HDAC9: variants seen among roughly 807,000 people sequenced by gnomAD.
The protein encoded by HDAC9 is MEF-2 interacting transcription repressor (MITR) protein.
HDAC9 carries 41 observed loss-of-function variants against 139.4 expected under a neutral mutation model. That is an observed-to-expected ratio of 0.29 (90% CI 0.23 to 0.38). The LOEUF (loss-of-function observed/expected upper bound fraction) is 0.38, where lower values mean the gene tolerates loss of function less well. Among genes scored for constraint, HDAC9 ranks in the 10% least tolerant of loss-of-function variants. HDAC9 has a pLI of 1.00. For synonymous variants in HDAC9, 517 were observed against 476.2 expected (o/e 1.09, Z -1.12); for missense variants, 1,147 against 1,297.0 (o/e 0.88, Z 1.78).
chr7:18,951,706 A>G (rs1782807330), intron 23 of HDAC9, among the ~76,000 whole-genome samples: 2 of 151,894 alleles, frequency 1.3e-5, no homozygotes, highest in Admixed American at 6.6e-5. Context: ...GCAAAACTTT[A>G]CCACATATTC....
chr7:18,814,850 T>G (rs1194711880), intron 17 of HDAC9, among the ~76,000 whole-genome samples: 1 of 152,158 alleles, frequency 6.6e-6, no homozygotes, highest in East Asian at 1.9e-4. Context: ...AAATCATCTA[T>G]CCAAAGAACC....
chr7:18,248,797 T>C (rs1433832648), intron 2 of HDAC9, among the ~76,000 whole-genome samples: 1 of 152,252 alleles, frequency 6.6e-6, no homozygotes, highest in Non-Finnish European at 1.5e-5. Context: ...TGCTAAATTC[T>C]GTGGTGCAAA....
At chr7:18,620,435 G>A (rs1839896524) in intron 6 of HDAC9, among the ~76,000 whole-genome samples, 1 of 149,948 alleles carries the variant, frequency 6.7e-6, no homozygotes, top group Non-Finnish European at 1.5e-5. Flanking sequence ...ATTTTTTCCT[G>A]TTTGTCCTAG....
At chr7:18,448,416 T>C (rs1169951310) in intron 1 of HDAC9, among the ~76,000 whole-genome samples, 4 of 152,180 alleles carry the variant, frequency 2.6e-5, no homozygotes, top group African/African-American at 9.7e-5. Flanking sequence ...AGAAAAAATA[T>C]CACCTTTGAT....
At chr7:18,204,834 T>G (rs1791382354) in intron 2 of HDAC9, among the ~76,000 whole-genome samples, 1 of 152,074 alleles carries the variant, frequency 6.6e-6, no homozygotes. Context: ...TGCAATATGT[T>G]GTTTTTTTAT....
chr7:18,094,911 G>C (rs1782405631), intron 1 of HDAC9, among the ~76,000 whole-genome samples: 1 of 152,048 alleles, frequency 6.6e-6, no homozygotes, highest in Non-Finnish European at 1.5e-5. Flanking sequence ...AAGTCAAGAT[G>C]AGAGAGAGAG....
At chr7:18,648,125 C>A in intron 10 of HDAC9, 127 bp downstream of exon 10, 1 of 731,910 alleles carries the variant, frequency 1.4e-6, no homozygotes, top group African/African-American at 1.8e-5. Flanking sequence ...TTCCCTGATA[C>A]CTGGTACTGT....
At chr7:18,651,345 A>G (rs1789200335) in intron 11 of HDAC9, among the ~76,000 whole-genome samples, 1 of 152,204 alleles carries the variant, frequency 6.6e-6, no homozygotes, top group Non-Finnish European at 1.5e-5. Flanking sequence ...ACAGGCACAC[A>G]TGAAGATGTT....
At chr7:18,650,916 T>G (rs1789022548) in intron 11 of HDAC9, among the ~76,000 whole-genome samples, 1 of 152,180 alleles carries the variant, frequency 6.6e-6, no homozygotes, top group African/African-American at 2.4e-5. Context: ...TCCATATGTT[T>G]CATCAAGTTG....
intron 17 of HDAC9, among the ~76,000 whole-genome samples, chr7:18,793,659 A>G (rs1284222725): frequency 6.6e-6 from 1 of 152,124 alleles, no homozygotes; most frequent in Non-Finnish European, 1.5e-5. Flanking sequence ...TCTGCCTGAG[A>G]ACACTCTGCA....
rs145054589 is a variant in HDAC9, at chr7:18,191,893, A to G, written c.25+29544A>G. Among the ~76,000 whole-genome samples the G allele has an allele frequency of 2.8e-3, 428 of 152,340 alleles. 4 individuals carry two copies. Among genetic ancestry groups the G allele is most frequent in the African/African-American group, 9.9e-3 (412 of 41,586 alleles). ...GCATTTTGAAATCATTGACAAGCAC[A>G]AATACTGTTAGATTCTATGTCAAGA... On this transcript the variant is annotated intron_variant, in intron 2 of 12. Coordinates refer to the HDAC9 transcript ENST00000417496.
intron 13 of HDAC9, among the ~76,000 whole-genome samples, chr7:18,731,318 G>A (rs557373450): frequency 1.5e-4 from 23 of 152,150 alleles, no homozygotes; most frequent in African/African-American, 5.5e-4. Context: ...CAAGGTAGCG[G>A]ACACAGACAC....
intron 12 of HDAC9, among the ~76,000 whole-genome samples, chr7:18,711,095 C>A (rs2541322): frequency 0.26 from 39,797 of 152,002 alleles, 9,367 homozygotes; most frequent in African/African-American, 0.64. Flanking sequence ...TAAGTGGATC[C>A]TCTCATTTAA....
At chr7:18,846,100 T>C (rs1431965986) in intron 21 of HDAC9, among the ~76,000 whole-genome samples, 1 of 152,208 alleles carries the variant, frequency 6.6e-6, no homozygotes, top group African/African-American at 2.4e-5. Flanking sequence ...AAGATAATTA[T>C]CTTAGCTGAG....
intron 16 of HDAC9, among the ~76,000 whole-genome samples, chr7:18,789,815 T>G (rs1562943264): frequency 6.6e-6 from 1 of 152,194 alleles, no homozygotes; most frequent in Non-Finnish European, 1.5e-5. Flanking sequence ...TATCAGTTGA[T>G]GAACTCAACT....
At position 18,120,031 on chromosome 7, in the gene HDAC9, G is replaced by T. The variant is rs551519011; in HGVS notation, c.-97+32818G>T. On this transcript the variant is annotated intron_variant, in intron 1 of 12. Coordinates refer to the HDAC9 transcript ENST00000417496. ...TGAAATGTGAATTATATCACAGTTT[G>T]TATCTGGAAATCAGTGTCTAATAGA... Among the ~76,000 whole-genome samples, 16 of 152,278 alleles carry T rather than the reference G, an allele frequency of 1.1e-4. No homozygotes were observed. In the East Asian group the frequency reaches 2.9e-3, roughly 28 times the overall value.
chr7:18,612,402 A>G (rs537583379), intron 6 of HDAC9, among the ~76,000 whole-genome samples: 1 of 152,098 alleles, frequency 6.6e-6, no homozygotes, highest in African/African-American at 2.4e-5. Context: ...AAGAATTAAT[A>G]TACTTACTTA....
intron 21 of HDAC9, among the ~76,000 whole-genome samples, chr7:18,844,835 C>G (rs1032644980): frequency 6.6e-6 from 1 of 152,114 alleles, no homozygotes; most frequent in Non-Finnish European, 1.5e-5. Context: ...CCTCATTAGG[C>G]CTCTGATTTT....
At chr7:18,602,231 G>A (rs1297703158) in intron 6 of HDAC9, among the ~76,000 whole-genome samples, 1 of 152,066 alleles carries the variant, frequency 6.6e-6, no homozygotes, top group East Asian at 1.9e-4. Flanking sequence ...TTTCAAACTT[G>A]TCAGTATAGA....
Sources: allele counts gnomAD v4.1 joint callset (sites outside exome capture counted in the v4.1 genomes callset), GRCh38; gene constraint gnomAD v4.1.1; transcripts MANE v1.5; gene names NCBI Gene and HGNC (gene_info 2026-07-23, HGNC 2026-07-21).